SRFBP1: variants seen among roughly 807,000 people sequenced by gnomAD.
SRFBP1 encodes the protein serum response factor binding protein 1.
Under a neutral mutation model 45.5 loss-of-function variants are expected in SRFBP1, and 47 were observed. That is an observed-to-expected ratio of 1.03 (90% CI 0.82 to 1.32). SRFBP1 has a LOEUF of 1.32. Ranked by LOEUF, SRFBP1 falls within the 40% of genes most tolerant of loss-of-function variation. The probability of loss-of-function intolerance (pLI) is 0.00; values close to 1 mark genes in which losing one functional copy is unlikely to be tolerated. For synonymous variants in SRFBP1, 203 were observed against 166.3 expected, an observed-to-expected ratio of 1.22 and a Z score of -1.70; for missense variants, 621 against 484.6, an observed-to-expected ratio of 1.28 and a Z score of -2.64.
At chr5:122,023,148 A>T (rs1454592463) in intron 7 of SRFBP1, among the ~76,000 whole-genome samples, 2 of 152,248 alleles carry the variant, frequency 1.3e-5, no homozygotes, top group Non-Finnish European at 2.9e-5. Context: ...CCATCTAGCC[A>T]CAGGGGAGCT....
intron 2 of SRFBP1, chr5:122,065,404 A>C (rs1350549506): frequency 6.6e-6 from 1 of 152,098 alleles, no homozygotes; most frequent in African/African-American, 2.4e-5. Context: ...ACTAACTTAA[A>C]AGTGTAATTT....
rs747180225 is a variant in SRFBP1, at chr5:122,020,807, G to T, written c.1067+5G>T. On this transcript the variant is annotated splice_donor_5th_base_variant and intron_variant, in intron 6 of 7. Coordinates refer to ENST00000339397, the MANE Select transcript of SRFBP1 (RefSeq NM_152546.3). ...TGGATCTAAAAGCTCTAGAAGGTAA[G>T]ATTCTTTTTCTATTCTGAAATAATC... The T allele has an allele frequency of 2.0e-6, 3 of 1,535,266 alleles. No individual in the cohort carries two copies. The highest frequency in any genetic ancestry group is 1.4e-5 in the African/African-American group (1 of 71,534).
chr5:122,001,404 A>T (rs1012302958), intron 4 of SRFBP1, among the ~76,000 whole-genome samples: 11 of 144,756 alleles, frequency 7.6e-5, no homozygotes, highest in African/African-American at 2.5e-4. Flanking sequence ...TATTTTTTTT[A>T]TTTTTATTTT....
chr5:121,977,916 T>C (rs944011410), intron 3 of SRFBP1, among the ~76,000 whole-genome samples: 4 of 152,192 alleles, frequency 2.6e-5, no homozygotes, highest in African/African-American at 9.6e-5. Flanking sequence ...CTTTGCTGCC[T>C]TTTCTATAAT....
chr5:122,073,895 G>T, intron 2 of SRFBP1: 1 of 944,128 alleles, frequency 1.1e-6, no homozygotes, highest in Non-Finnish European at 1.6e-6. Flanking sequence ...AACAGTCTCT[G>T]TATCCTTTTG....
rs1349303387 is a variant in SRFBP1, at chr5:121,978,877, ATTC to A, written c.198+3496_198+3498del. ...TATTCTTTAAGATGAGAATTTATGT[ATTC>A]TTCTTTGAGACCTTGTTCTGCCTGC... is the stretch of plus-strand genomic sequence containing the variant. On this transcript the variant is annotated intron_variant, in intron 3 of 7. Transcript: ENST00000339397. Among the ~76,000 whole-genome samples the A allele has an allele frequency of 3.3e-5, 5 of 152,210 alleles. No individual in the cohort carries two copies. The South Asian group carries it at 6.2e-4, about 19-fold the overall frequency.
chr5:121,966,671 T>A (rs1752075745), intron 1 of SRFBP1, among the ~76,000 whole-genome samples: 1 of 152,254 alleles, frequency 6.6e-6, no homozygotes, highest in Admixed American at 6.5e-5. Context: ...AGCAGTGATA[T>A]GTAAAAATCA....
chr5:121,992,407 TG>T (rs1391543950), intron 3 of SRFBP1, among the ~76,000 whole-genome samples: 2 of 152,028 alleles, frequency 1.3e-5, no homozygotes, highest in East Asian at 1.9e-4. Flanking sequence ...TGTTTTGTTT[TG>T]TTTTTTTTCT....
intron 2 of SRFBP1, among the ~76,000 whole-genome samples, chr5:122,049,254 C>A (rs993083675): frequency 6.6e-6 from 1 of 151,930 alleles, no homozygotes; most frequent in Non-Finnish European, 1.5e-5. Context: ...GACTTTAAAC[C>A]AACAAAGATC....
intron 1 of SRFBP1, among the ~76,000 whole-genome samples, chr5:121,965,790 GT>G (rs1752051438): frequency 6.6e-6 from 1 of 152,090 alleles, no homozygotes; most frequent in Non-Finnish European, 1.5e-5. Context: ...CAGTATGGCT[GT>G]TTTCACGATA....
rs574148057 is a variant in SRFBP1, at chr5:122,045,825, T to C, written n.311+23418T>C. 4.6e-5 allele frequency among the ~76,000 whole-genome samples: 7 copies of C among 152,322 alleles called. No individual in the cohort carries two copies. The South Asian group carries it at 1.0e-3, about 23-fold the overall frequency. ...AACAGAAATATTTTAACTTTCTCTC[T>C]TCCTATTTGGAGGCCTTTTATTTCT... On this transcript the variant is annotated intron_variant and non_coding_transcript_variant, in intron 2 of 2. Coordinates refer to the SRFBP1 transcript ENST00000504881.
Position 121,994,700 on chromosome 5 carries a change from A to T in SRFBP1, c.270+30A>T, listed in dbSNP as rs747568686. On this transcript the variant is annotated intron_variant, in intron 4 of 7. Coordinates refer to ENST00000339397, the MANE Select transcript of SRFBP1 (RefSeq NM_152546.3). ...ATCTGCAATAGATTATATTTGTCTT[A>T]TGAAAAGTTTCTCATCTATATTGCT... The T allele has an allele frequency of 7.0e-6, 10 of 1,431,948 alleles. No homozygotes were observed. The South Asian group carries it at 1.2e-4, about 17-fold the overall frequency. 88.7% of individuals were successfully genotyped at this position (1,431,948 alleles called of 1,614,324 possible). A position where few individuals can be genotyped will look rare whatever the true frequency, so the allele number is the denominator to read the frequency against.
chr5:121,994,504 T>C (rs1011523419), intron 3 of SRFBP1, 95 bp from the exon 4 acceptor site: 3 of 746,308 alleles, frequency 4.0e-6, no homozygotes, highest in South Asian at 1.8e-5. Context: ...TAAGATGTTA[T>C]TTAATATTAA....
chr5:121,999,772 A>G (rs1218353843), intron 4 of SRFBP1, among the ~76,000 whole-genome samples: 2 of 152,050 alleles, frequency 1.3e-5, no homozygotes, highest in East Asian at 3.8e-4. Context: ...TCTTTTGGTT[A>G]GTGTTTACAT....
At chr5:121,972,475 C>G (rs899793159) in intron 1 of SRFBP1, among the ~76,000 whole-genome samples, 1 of 151,726 alleles carries the variant, frequency 6.6e-6, no homozygotes, top group Non-Finnish European at 1.5e-5. Flanking sequence ...GAATGGGGGT[C>G]CACTTGAGGT....
At chr5:122,004,173 G>T (rs1170869710) in intron 4 of SRFBP1, among the ~76,000 whole-genome samples, 1 of 152,144 alleles carries the variant, frequency 6.6e-6, no homozygotes, top group Non-Finnish European at 1.5e-5. Context: ...AGTTTCTTGG[G>T]TTCCTTTAAT....
At chr5:122,034,453 A>T (rs1053468506) in intron 2 of SRFBP1, among the ~76,000 whole-genome samples, 1 of 150,624 alleles carries the variant, frequency 6.6e-6, no homozygotes, top group Non-Finnish European at 1.5e-5. Flanking sequence ...CGCCCCCCCC[A>T]TTTTTTATTT....
At chr5:122,019,608 A>C (rs945953451) in intron 5 of SRFBP1, among the ~76,000 whole-genome samples, 1 of 150,996 alleles carries the variant, frequency 6.6e-6, no homozygotes, top group Non-Finnish European at 1.5e-5. Context: ...AAAGTTGAAT[A>C]GTTTTTTTAA....
chr5:122,073,978 G>A (rs1210433526), intron 2 of SRFBP1: 1 of 1,596,472 alleles, frequency 6.3e-7, no homozygotes, highest in Non-Finnish European at 8.6e-7. Context: ...TTCTCTCTGA[G>A]GCTTGAGGTT....
Sources: allele counts gnomAD v4.1 joint callset (sites outside exome capture counted in the v4.1 genomes callset), GRCh38; gene constraint gnomAD v4.1.1; transcripts MANE v1.5; gene names NCBI Gene and HGNC (gene_info 2026-07-23, HGNC 2026-07-21).